PRR16: variants seen among roughly 807,000 people sequenced by gnomAD.
PRR16 encodes the protein protein Largen.
A neutral mutation model predicts 18.2 loss-of-function variants in PRR16; 6 were observed. That is an observed-to-expected ratio of 0.33 (90% CI 0.18 to 0.65). The LOEUF is 0.65. PRR16 is among the 30% of genes least tolerant of loss of function. The probability of loss-of-function intolerance (pLI) is 0.74; values close to 1 mark genes in which losing one functional copy is unlikely to be tolerated. For synonymous variants in PRR16, 151 were observed against 147.8 expected (o/e 1.02, Z -0.16); for missense variants, 412 against 376.6 (o/e 1.09, Z -0.78).
At chr5:120,487,745 T>C (rs925161124) in intron 1 of PRR16, among the ~76,000 whole-genome samples, 9 of 152,182 alleles carry the variant, frequency 5.9e-5, no homozygotes, top group Non-Finnish European at 7.3e-5. Flanking sequence ...AGGGAATGCT[T>C]CCAGTTTTTG....
chr5:120,638,766 A>C (rs1384575455), intron 1 of PRR16, among the ~76,000 whole-genome samples: 1 of 152,064 alleles, frequency 6.6e-6, no homozygotes, highest in Non-Finnish European at 1.5e-5. Flanking sequence ...CTATGGCGTG[A>C]TGATTATCTT....
chr5:120,677,858 C>G (rs1464400070), intron 1 of PRR16, among the ~76,000 whole-genome samples: 1 of 148,852 alleles, frequency 6.7e-6, no homozygotes, highest in African/African-American at 2.5e-5. Flanking sequence ...TACTTAAACT[C>G]TCTTAGTTGT....
At chr5:120,542,216 A>G (rs1751938594) in intron 1 of PRR16, among the ~76,000 whole-genome samples, 1 of 152,132 alleles carries the variant, frequency 6.6e-6, no homozygotes, top group Non-Finnish European at 1.5e-5. Context: ...ATGCTGGAGT[A>G]GCTTTTTGAA....
At position 120,686,405 on chromosome 5, in the gene PRR16, G is replaced by A. The variant is rs892458858; in HGVS notation, c.611G>A (p.Arg204Gln). 16 of 1,613,970 alleles carry A rather than the reference G, an allele frequency of 9.9e-6. No homozygotes were observed. The highest frequency in any genetic ancestry group is 2.2e-5 in the South Asian group (2 of 91,080). The part of the protein sequence containing the change: ...DRCPQAGPRE[R>Q]VRFNEKVQYH... ...TGTCCCCAGGCAGGGCCTCGAGAAC[G>A]AGTTCGGTTTAATGAAAAAGTACAG... The change falls in exon 2 of 2, where the codon CGA (arginine) becomes CAA (glutamine). Residue 204 changes from arginine (R) to glutamine (Q), a missense_variant. Physicochemically the swap from Arg to Gln is conservative, Grantham distance 43. Coordinates refer to ENST00000407149, the MANE Select transcript of PRR16 (RefSeq NM_001300783.2).
the PRR16 span, among the ~76,000 whole-genome samples, chr5:120,696,551 A>C: frequency 6.6e-6 from 1 of 152,236 alleles, no homozygotes; most frequent in South Asian, 2.1e-4. Context: ...TAGGCTGAAT[A>C]AACTTGTGAA....
chr5:120,579,784 A>G (rs191670866), intron 1 of PRR16, among the ~76,000 whole-genome samples: 249 of 152,234 alleles, frequency 1.6e-3, no homozygotes, highest in Middle Eastern at 3.4e-3. Context: ...AAGAATGTCA[A>G]TGGTAGTTTG....
the PRR16 span, among the ~76,000 whole-genome samples, chr5:120,730,865 A>G: frequency 0.023 from 3,461 of 152,244 alleles, 148 homozygotes; most frequent in African/African-American, 0.079. Context: ...CTATGTTTAA[A>G]TTATCGCAAT....
chr5:120,518,472 A>G (rs1177474566), intron 1 of PRR16, among the ~76,000 whole-genome samples: 1 of 152,108 alleles, frequency 6.6e-6, no homozygotes, highest in Non-Finnish European at 1.5e-5. Context: ...TGGTACCCAA[A>G]TGCATCTTGA....
intron 1 of PRR16, among the ~76,000 whole-genome samples, chr5:120,492,074 TTTTA>T (rs1379299922): frequency 5.3e-5 from 8 of 150,152 alleles, no homozygotes; most frequent in African/African-American, 7.4e-5. Context: ...CTTTACTGTT[TTTTA>T]TTTGTTTGTT....
chr5:120,643,529 G>A (rs1011567242), intron 1 of PRR16, among the ~76,000 whole-genome samples: 1 of 152,044 alleles, frequency 6.6e-6, no homozygotes, highest in Non-Finnish European at 1.5e-5. Context: ...CCTTAGAAAA[G>A]TAAATTCTAA....
At chr5:120,714,594 T>G in the PRR16 span, among the ~76,000 whole-genome samples, 1 of 152,136 alleles carries the variant, frequency 6.6e-6, no homozygotes, top group Non-Finnish European at 1.5e-5. Context: ...TCCTCAAGGA[T>G]CTAGAACCAA....
intron 1 of PRR16, among the ~76,000 whole-genome samples, chr5:120,515,280 A>T (rs781219777): frequency 6.6e-6 from 1 of 152,166 alleles, no homozygotes; most frequent in Non-Finnish European, 1.5e-5. Context: ...TGAGGGCAGA[A>T]GCCTCATAAC....
the PRR16 span, among the ~76,000 whole-genome samples, chr5:120,738,829 G>A: frequency 2.6e-5 from 4 of 152,138 alleles, no homozygotes; most frequent in East Asian, 7.7e-4. Flanking sequence ...TTAGCAAATA[G>A]CAGTGAGCAG....
the PRR16 span, among the ~76,000 whole-genome samples, chr5:120,713,849 A>C: frequency 1.3e-5 from 2 of 152,216 alleles, no homozygotes; most frequent in Non-Finnish European, 2.9e-5. Context: ...ACATATTTAG[A>C]GTGCCATGAA....
the PRR16 span, among the ~76,000 whole-genome samples, chr5:120,762,303 T>C: frequency 6.6e-6 from 1 of 152,120 alleles, no homozygotes. Context: ...CTGTTTTTCA[T>C]AATAATTGTA....
At chr5:120,742,573 A>G in the PRR16 span, among the ~76,000 whole-genome samples, 2 of 151,938 alleles carry the variant, frequency 1.3e-5, no homozygotes, top group African/African-American at 4.8e-5. Context: ...GATTAAAAGC[A>G]TAGTTTCATA....
chr5:120,610,195 G>T (rs1186333101), intron 1 of PRR16, among the ~76,000 whole-genome samples: 1 of 151,840 alleles, frequency 6.6e-6, no homozygotes, highest in Non-Finnish European at 1.5e-5. Context: ...GAAATAACTG[G>T]TCCAAAATTA....
At chr5:120,495,406 A>G (rs954431119) in intron 1 of PRR16, among the ~76,000 whole-genome samples, 3 of 152,132 alleles carry the variant, frequency 2.0e-5, no homozygotes, top group Non-Finnish European at 4.4e-5. Context: ...AGTTTCATAT[A>G]TAAAATGGTA....
intron 1 of PRR16, among the ~76,000 whole-genome samples, chr5:120,561,957 C>T (rs967208243): frequency 3.2e-4 from 48 of 152,096 alleles, no homozygotes; most frequent in African/African-American, 1.1e-3. Context: ...TTATCAGCAT[C>T]GTGAGAACAG....
Sources: gnomAD v4.1 joint callset for allele counts (sites outside exome capture counted in the v4.1 genomes callset) on GRCh38, gnomAD v4.1.1 for gene constraint, MANE v1.5 for transcripts, NCBI Gene and HGNC (gene_info 2026-07-23, HGNC 2026-07-21) for gene names.